The following MYO5B variants were observed in gnomAD, a reference collection of about 807,000 sequenced individuals.
MYO5B encodes the protein unconventional myosin-Vb.
A neutral mutation model predicts 229.3 loss-of-function variants in MYO5B; 143 were observed. That is an observed-to-expected ratio of 0.62 (90% CI 0.54 to 0.72). MYO5B has a LOEUF of 0.72. Ranked by LOEUF, MYO5B falls within the 30% of genes least tolerant of loss-of-function variation. MYO5B has a pLI of 0.00. For missense variants in MYO5B, 2,321 were observed against 2,331.0 expected (o/e 1.00, Z 0.09); for synonymous variants, 918 against 885.2 (o/e 1.04, Z -0.66).
intron 1 of MYO5B, among the ~76,000 whole-genome samples, chr18:50,115,525 CACACACACACACACACAGAGAG>C (rs1428714110): frequency 9.7e-5 from 6 of 61,936 alleles, no homozygotes; most frequent in Non-Finnish European, 1.8e-4. Flanking sequence ...ATAAATAAAA[CACACACACACACACACAGAGAG>C]ACACACACAC....
Position 49,837,713 on chromosome 18 carries a change from C to T in MYO5B, c.4942G>A (p.Gly1648Arg). 6.2e-7 allele frequency: 1 copy of T among 1,614,212 alleles called. No homozygotes were observed. Among genetic ancestry groups the T allele is most frequent in the Non-Finnish European group, 8.5e-7 (1 of 1,180,026 alleles). Residue 1648 changes from glycine (G) to arginine (R), a missense_variant, in exon 37 of 40, where the codon GGG becomes AGG. Coordinates refer to ENST00000285039, the MANE Select transcript of MYO5B (RefSeq NM_001080467.3). ...GCTTCCAGGCAGTATGAGTTATCCCCATCTGCCATGCTGGAGGAGCGCTTC... is the reference window on the plus strand; with the variant it reads ...GCTTCCAGGCAGTATGAGTTATCCCTATCTGCCATGCTGGAGGAGCGCTTC... ...YRKRSSSMAD[G>R]DNSYCLEAII...
At chr18:50,102,043 T>C (rs1368719167) in intron 1 of MYO5B, among the ~76,000 whole-genome samples, 1 of 152,194 alleles carries the variant, frequency 6.6e-6, no homozygotes, top group Non-Finnish European at 1.5e-5. Context: ...CACGGAATAC[T>C]ATGCAGCCAT....
intron 13 of MYO5B, among the ~76,000 whole-genome samples, chr18:49,954,024 ATGTGTGTGTGTGTGTG>A (rs766610907): frequency 8.4e-4 from 43 of 51,140 alleles, no homozygotes; most frequent in African/African-American, 1.9e-3. Flanking sequence ...ATGTATTTAT[ATGTGTGTGTGTGTGTG>A]TGTGTGTGTG....
At chr18:49,877,443 GTTCC>G (rs1391591503) in intron 25 of MYO5B, among the ~76,000 whole-genome samples, 3 of 152,194 alleles carry the variant, frequency 2.0e-5, no homozygotes, top group Non-Finnish European at 2.9e-5. Flanking sequence ...TGACTTAGCT[GTTCC>G]TTCCTAAACC....
intron 4 of MYO5B, among the ~76,000 whole-genome samples, chr18:50,014,488 G>C (rs921443466): frequency 6.6e-6 from 1 of 152,180 alleles, no homozygotes; most frequent in Admixed American, 6.5e-5. Context: ...TATGGGTTGT[G>C]GTGAGGTGTG....
At chr18:49,889,838 C>T (rs2024688087) in intron 22 of MYO5B, among the ~76,000 whole-genome samples, 1 of 152,204 alleles carries the variant, frequency 6.6e-6, no homozygotes, top group Non-Finnish European at 1.5e-5. Context: ...AAACCTGAGC[C>T]AAGGCTACAG....
At chr18:50,064,759 C>T (rs1219970372) in intron 1 of MYO5B, among the ~76,000 whole-genome samples, 1 of 152,188 alleles carries the variant, frequency 6.6e-6, no homozygotes, top group Non-Finnish European at 1.5e-5. Context: ...GGTCATAGCC[C>T]TATAAATATT....
At chr18:49,875,959 A>C in intron 25 of MYO5B, 132 bp from the exon 26 acceptor site, 4 of 1,079,406 alleles carry the variant, frequency 3.7e-6, no homozygotes, top group East Asian at 2.5e-5. Context: ...TTTGCATCTC[A>C]AATACAAAGC....
At chr18:50,087,825 T>C (rs2031364433) in intron 1 of MYO5B, among the ~76,000 whole-genome samples, 1 of 152,068 alleles carries the variant, frequency 6.6e-6, no homozygotes, top group Non-Finnish European at 1.5e-5. Flanking sequence ...AAGGTGATGC[T>C]AGGTGCAGGA....
At chr18:49,837,478 C>T in intron 37 of MYO5B, 39 bp downstream of exon 37, 1 of 1,611,868 alleles carries the variant, frequency 6.2e-7, no homozygotes, top group Non-Finnish European at 8.5e-7. Context: ...CAGTGAGGGC[C>T]CACTCTATCT....
At chr18:50,145,411 C>T (rs1250475975) in intron 1 of MYO5B, among the ~76,000 whole-genome samples, 4 of 143,984 alleles carry the variant, frequency 2.8e-5, no homozygotes, top group Admixed American at 7.3e-5. Context: ...GGCGTGAACC[C>T]GGGAGGCAGA....
intron 1 of MYO5B, among the ~76,000 whole-genome samples, chr18:50,102,389 T>C (rs1255540897): frequency 6.6e-6 from 1 of 151,666 alleles, no homozygotes; most frequent in East Asian, 1.9e-4. Flanking sequence ...TCTTAACTCT[T>C]AGAAAAGGAA....
chr18:49,841,576 G>C, intron 34 of MYO5B, 122 bp from the exon 35 acceptor site: 2 of 889,132 alleles, frequency 2.2e-6, no homozygotes, highest in Non-Finnish European at 3.7e-6. Context: ...CCTGAGGCTG[G>C]GCAGGGCACT....
At chr18:50,068,817 G>A (rs73446626) in intron 1 of MYO5B, among the ~76,000 whole-genome samples, 8,395 of 152,208 alleles carry the variant, frequency 0.055, 283 homozygotes, top group African/African-American at 0.097. Flanking sequence ...CAATCAGTAG[G>A]TTAACTAAAT....
Position 50,079,502 on chromosome 18 carries a change from T to G in MYO5B, c.28-24124A>C, listed in dbSNP as rs75054776. Among the ~76,000 whole-genome samples the G allele has an allele frequency of 3.4e-4, 52 of 152,148 alleles. No homozygotes were observed. The East Asian group carries it at 7.1e-3, about 21-fold the overall frequency. ...AAGACAGAGTGCTCCAAAATAAAAC[T>G]CCTCAAATTCTCCCCCCTTGAGGCA... On this transcript the variant is annotated intron_variant, in intron 1 of 39. Coordinates refer to ENST00000285039, the MANE Select transcript of MYO5B (RefSeq NM_001080467.3).
Position 49,839,576 on chromosome 18 carries a change from G to A in MYO5B, c.4702-282C>T, listed in dbSNP as rs559532454. Among the ~76,000 whole-genome samples the A allele has an allele frequency of 3.3e-5, 5 of 152,344 alleles. No individual in the cohort carries two copies. The South Asian group carries it at 1.0e-3, about 32-fold the overall frequency. ...ATTTCCCTACGGTAGCAAAACCTAG[G>A]TTGGTACCAGGTCCAGAGAAAGGGA... On this transcript the variant is annotated intron_variant, in intron 35 of 39. Coordinates refer to ENST00000285039, the MANE Select transcript of MYO5B (RefSeq NM_001080467.3).
Position 49,826,340 on chromosome 18 carries a change from C to T in MYO5B, c.*131G>A. 4 of 1,132,382 alleles carry T rather than the reference C, an allele frequency of 3.5e-6. No homozygotes were observed. The highest frequency in any genetic ancestry group is 5.2e-6 in the Non-Finnish European group (4 of 776,326). 70.1% of individuals were successfully genotyped at this position (1,132,382 alleles called of 1,614,324 possible). ...GTGTCTAATTCTGTATAGTTCAGCA[C>T]CCTCCACAGGCTGTCAATCTCTGAT... On this transcript the variant is annotated 3_prime_UTR_variant, in exon 40 of 40. Coordinates refer to ENST00000285039, the MANE Select transcript of MYO5B (RefSeq NM_001080467.3).
chr18:50,116,941 A>C (rs749973840), intron 1 of MYO5B, among the ~76,000 whole-genome samples: 3 of 152,204 alleles, frequency 2.0e-5, no homozygotes, highest in Non-Finnish European at 2.9e-5. Flanking sequence ...TATTTCCTAC[A>C]TAAGACTCAC....
intron 10 of MYO5B, among the ~76,000 whole-genome samples, chr18:49,968,025 A>G (rs1294508548): frequency 6.6e-6 from 1 of 152,118 alleles, no homozygotes; most frequent in African/African-American, 2.4e-5. Flanking sequence ...CATCCACTGT[A>G]TGGCGATCCT....
Sources: allele counts gnomAD v4.1 joint callset (sites outside exome capture counted in the v4.1 genomes callset), GRCh38; gene constraint gnomAD v4.1.1; transcripts MANE v1.5; gene names NCBI Gene and HGNC (gene_info 2026-07-23, HGNC 2026-07-21).